The following ADGRV1 variants were observed in gnomAD, a reference collection of about 807,000 sequenced individuals.
The protein encoded by ADGRV1 is G-protein coupled receptor 98.
ADGRV1 carries 359 observed loss-of-function variants against 596.2 expected under a neutral mutation model. The ratio of observed to expected loss-of-function variants is 0.60; its 90% CI spans 0.55 to 0.66. The LOEUF (loss-of-function observed/expected upper bound fraction) is 0.66. ADGRV1 is among the 30% of genes least tolerant of loss of function. ADGRV1 has a pLI of 0.00. For missense variants in ADGRV1, 7,274 were observed against 7,575.6 expected (o/e 0.96, Z 1.48); for synonymous variants, 2,681 against 2,679.2 (o/e 1.00, Z -0.02).
chr5:91,161,566 A>G (rs1356457687), intron 89 of ADGRV1, among the ~76,000 whole-genome samples: 2 of 131,174 alleles, frequency 1.5e-5, no homozygotes, highest in African/African-American at 5.7e-5. Flanking sequence ...TGTGAAATGT[A>G]TTAATTGGTA....
At chr5:91,130,063 AC>A (rs1415721414) in intron 87 of ADGRV1, among the ~76,000 whole-genome samples, 2 of 152,290 alleles carry the variant, frequency 1.3e-5, no homozygotes, top group Middle Eastern at 3.4e-3. Context: ...AGAAGTTGGA[AC>A]TACAGATAAT....
Position 90,684,107 on chromosome 5 carries a change from T to G in ADGRV1, c.6186T>G (p.Ile2062Met), listed in dbSNP as rs1475167933. Reference sequence around the variant, plus strand: ...GTGAGGCAACAATAGCTATTTCAATTTTGGATGATGATGAGCCAGAAAGGT... The same window carrying G: ...GTGAGGCAACAATAGCTATTTCAATGTTGGATGATGATGAGCCAGAAAGGT... The part of the protein sequence containing the change: ...NQSEATIAIS[I>M]LDDDEPERSE... Residue 2062 changes from isoleucine to methionine, a missense_variant, in exon 28 of 90, where the codon ATT (isoleucine) becomes ATG (methionine). Transcript: ENST00000405460. 2 of 1,613,798 alleles carry G rather than the reference T, an allele frequency of 1.2e-6. No homozygotes were observed. The highest frequency in any genetic ancestry group is 8.5e-7 in the Non-Finnish European group (1 of 1,179,874).
In ADGRV1 at chr5:90,627,255, A is replaced by G. The variant is rs768278307; in HGVS notation, c.717A>G (p.Val239=). 2.1e-5 allele frequency: 33 copies of G among 1,586,278 alleles called. No individual in the cohort carries two copies. The highest frequency in any genetic ancestry group is 5.3e-5 in the Admixed American group (3 of 57,030). The part of the protein sequence containing the change: ...DEIFLIQLKS[V]EGGAEINTSR... ...TATTTTTAATTCAACTGAAAAGTGT[A>G]GAAGGAGGAGCTGAGATTAACACCT... Residue 239 remains valine, a synonymous_variant, in exon 7 of 90, where the codon GTA becomes GTG. Coordinates refer to ENST00000405460, the MANE Select transcript of ADGRV1 (RefSeq NM_032119.4).
intron 85 of ADGRV1, among the ~76,000 whole-genome samples, chr5:91,000,801 G>A (rs1392902650): frequency 1.3e-5 from 2 of 151,746 alleles, no homozygotes; most frequent in Non-Finnish European, 2.9e-5. Flanking sequence ...AAACCAGGAG[G>A]GCTGATGTTT....
chr5:90,820,897 G>A (rs1186334558), intron 75 of ADGRV1, among the ~76,000 whole-genome samples: 5 of 151,932 alleles, frequency 3.3e-5, no homozygotes, highest in Non-Finnish European at 7.4e-5. Flanking sequence ...ATGTGTCTTG[G>A]AGTTGCTCTT....
intron 70 of ADGRV1, among the ~76,000 whole-genome samples, chr5:90,796,544 A>G (rs1178227255): frequency 1.3e-5 from 2 of 152,250 alleles, no homozygotes; most frequent in Non-Finnish European, 2.9e-5. Flanking sequence ...GTTGGAAAAC[A>G]TTCTTCAGGA....
At chr5:90,825,494 AATATT>A (rs1463219384) in intron 76 of ADGRV1, among the ~76,000 whole-genome samples, 2 of 152,186 alleles carry the variant, frequency 1.3e-5, no homozygotes, top group Non-Finnish European at 2.9e-5. Context: ...ATGATTACTA[AATATT>A]ATATTGTGCA....
chr5:90,661,700 G>A (rs1330707838), intron 21 of ADGRV1, among the ~76,000 whole-genome samples: 2 of 152,174 alleles, frequency 1.3e-5, no homozygotes, highest in Admixed American at 6.5e-5. Flanking sequence ...GGAGACGGTA[G>A]TGAGTATTAT....
intron 83 of ADGRV1, among the ~76,000 whole-genome samples, chr5:90,958,689 G>C (rs1217712600): frequency 6.6e-6 from 1 of 152,144 alleles, no homozygotes; most frequent in Non-Finnish European, 1.5e-5. Context: ...GCATGTGCGT[G>C]TCTGTGTCCA....
intron 85 of ADGRV1, among the ~76,000 whole-genome samples, chr5:91,009,874 A>G (rs1019622175): frequency 1.3e-5 from 2 of 152,142 alleles, no homozygotes; most frequent in African/African-American, 4.8e-5. Context: ...TTAAGGACAT[A>G]CAATTAAATA....
chr5:90,922,922 T>C (rs775630658), intron 83 of ADGRV1, among the ~76,000 whole-genome samples: 10 of 152,204 alleles, frequency 6.6e-5, no homozygotes, highest in Non-Finnish European at 1.3e-4. Flanking sequence ...TTGTTCAATG[T>C]GGAGCCCTCA....
chr5:90,679,606 T>G lies in ADGRV1; in HGVS notation c.5501T>G (p.Phe1834Cys). 6.2e-7 allele frequency: 1 copy of G among 1,613,514 alleles called. No individual in the cohort carries two copies. Among genetic ancestry groups the G allele is most frequent in the Non-Finnish European group, 8.5e-7 (1 of 1,179,550 alleles). The part of the protein sequence containing the change: ...SGSGDGDMEF[F>C]LPTIHKRASL... ...AGTGGTGATGGGGACATGGAATTCT[T>G]CCTTCCAACTATTCACAAACGTGGT... is the stretch of plus-strand genomic sequence containing the variant. The change falls in exon 26 of 90, where the codon TTC becomes TGC. Residue 1834 changes from phenylalanine to cysteine, a missense_variant. This residue lies in a region of ADGRV1 where 3,643 missense variants were observed against 3,809.2 expected (regional missense o/e 0.96). Coordinates refer to ENST00000405460, the MANE Select transcript of ADGRV1 (RefSeq NM_032119.4).
intron 83 of ADGRV1, among the ~76,000 whole-genome samples, chr5:90,899,526 A>G (rs1482070807): frequency 6.6e-6 from 1 of 152,014 alleles, no homozygotes; most frequent in Non-Finnish European, 1.5e-5. Context: ...CTGTACCAGA[A>G]CCGCGTTCCA....
intron 1 of ADGRV1, among the ~76,000 whole-genome samples, chr5:90,591,990 TAAG>T (rs993853578): frequency 6.6e-6 from 1 of 152,268 alleles, no homozygotes; most frequent in African/African-American, 2.4e-5. Context: ...ACTCAGATAA[TAAG>T]GAGTGATTCA....
intron 85 of ADGRV1, among the ~76,000 whole-genome samples, chr5:91,056,856 T>C (rs1472530804): frequency 6.6e-6 from 1 of 152,168 alleles, no homozygotes; most frequent in Non-Finnish European, 1.5e-5. Context: ...TATTTTGAAC[T>C]AGAATAAGAA....
intron 1 of ADGRV1, among the ~76,000 whole-genome samples, chr5:90,601,485 G>A (rs1028529526): frequency 1.3e-5 from 2 of 152,056 alleles, no homozygotes; most frequent in Admixed American, 6.5e-5. Context: ...AAAGAATACC[G>A]TACTAAACCA....
At chr5:90,662,221 G>T (rs1444145555) in intron 21 of ADGRV1, among the ~76,000 whole-genome samples, 2 of 121,318 alleles carry the variant, frequency 1.6e-5, no homozygotes, top group African/African-American at 6.7e-5. Flanking sequence ...ACGGAGTCAC[G>T]CTCTGTCGCC....
chr5:91,164,169 G>C lies in ADGRV1; in HGVS notation c.*269G>C. On this transcript the variant is annotated 3_prime_UTR_variant, in exon 90 of 90. Coordinates refer to ENST00000405460, the MANE Select transcript of ADGRV1 (RefSeq NM_032119.4). ...GTTGTTTTTTTAATCATCCTATATG[G>C]CTAACATTGTTTAATGAAAGTAATA... is the stretch of plus-strand genomic sequence containing the variant. The C allele has an allele frequency of 2.1e-6, 1 of 475,432 alleles. No individual in the cohort carries two copies. The highest frequency in any genetic ancestry group is 3.0e-5 in the Admixed American group (1 of 33,128). 29.5% of individuals were successfully genotyped at this position (475,432 alleles called of 1,614,324 possible).
chr5:90,675,696 G>C (rs1205393028), intron 24 of ADGRV1, among the ~76,000 whole-genome samples: 1 of 152,090 alleles, frequency 6.6e-6, no homozygotes, highest in African/African-American at 2.4e-5. Flanking sequence ...GCTGAGGCAG[G>C]AGGATTGCTT....
Sources: allele counts gnomAD v4.1 joint callset (sites outside exome capture counted in the v4.1 genomes callset), GRCh38; gene constraint gnomAD v4.1.1; regional missense constraint gnomAD v4.1.1; transcripts MANE v1.5; gene names NCBI Gene and HGNC (gene_info 2026-07-23, HGNC 2026-07-21).